NUP43: variants seen among roughly 807,000 people sequenced by gnomAD.
NUP43 encodes the protein nucleoporin 43.
A neutral mutation model predicts 47.3 loss-of-function variants in NUP43; 32 were observed. The ratio of observed to expected loss-of-function variants is 0.68; its 90% CI spans 0.51 to 0.91. NUP43 has a LOEUF of 0.91. NUP43 is among the 40% of genes least tolerant of loss of function. The probability of loss-of-function intolerance (pLI) is 0.00; values close to 1 mark genes in which losing one functional copy is unlikely to be tolerated. For synonymous variants in NUP43, 147 were observed against 158.4 expected, an observed-to-expected ratio of 0.93 and a Z score of 0.54; for missense variants, 444 against 453.9, an observed-to-expected ratio of 0.98 and a Z score of 0.20.
intron 3 of NUP43, 66 bp downstream of exon 3, chr6:149,743,572 G>T: frequency 1.0e-6 from 1 of 1,002,934 alleles, no homozygotes; most frequent in South Asian, 1.4e-5. Flanking sequence ...TCCAGTGCGC[G>T]GGCAACAAGA....
chr6:149,746,223 T>C (rs979961178), intron 1 of NUP43, 153 bp downstream of exon 1: 16 of 1,336,918 alleles, frequency 1.2e-5, no homozygotes, highest in Non-Finnish European at 1.5e-5. Context: ...TCACCGGCTC[T>C]GAGCTACGGA....
At chr6:149,738,343 A>G (rs922645354) in intron 5 of NUP43, among the ~76,000 whole-genome samples, 3 of 152,210 alleles carry the variant, frequency 2.0e-5, no homozygotes, top group South Asian at 2.1e-4. Flanking sequence ...TTTTCCCCCA[A>G]TCATTACATC....
intron 2 of NUP43, among the ~76,000 whole-genome samples, chr6:149,744,887 T>G (rs1785884565): frequency 6.7e-6 from 1 of 148,310 alleles, no homozygotes; most frequent in Non-Finnish European, 1.5e-5. Flanking sequence ...CTTTTTTATT[T>G]TATTTATTTA....
intron 4 of NUP43, among the ~76,000 whole-genome samples, chr6:149,742,115 C>T (rs1296882497): frequency 5.9e-5 from 9 of 152,076 alleles, no homozygotes; most frequent in African/African-American, 2.2e-4. Context: ...CAACCTCCGC[C>T]TCCCAGGTTC....
chr6:149,745,288 T>C (rs903067341), intron 2 of NUP43, among the ~76,000 whole-genome samples: 1 of 150,810 alleles, frequency 6.6e-6, no homozygotes, highest in Non-Finnish European at 1.5e-5. Context: ...TAGTCCCAGC[T>C]ACCCGGGAGG....
At chr6:149,731,518 G>A (rs1010090836) in intron 7 of NUP43, 95 bp downstream of exon 7, 26 of 1,121,470 alleles carry the variant, frequency 2.3e-5, no homozygotes, top group African/African-American at 8.0e-5. Context: ...AGCTGAGATC[G>A]TGCCACTGCA....
intron 6 of NUP43, among the ~76,000 whole-genome samples, chr6:149,734,777 G>A (rs1413895750): frequency 3.2e-5 from 4 of 126,942 alleles, no homozygotes; most frequent in African/African-American, 9.1e-5. Flanking sequence ...CAGCCTGGGC[G>A]ACAGAACAAG....
chr6:149,745,760 C>T (rs1785954845), intron 2 of NUP43, among the ~76,000 whole-genome samples, 180 bp downstream of exon 2: 1 of 152,212 alleles, frequency 6.6e-6, no homozygotes, highest in South Asian at 2.1e-4. Context: ...TCTACATCCC[C>T]TTTCCCAGTC....
chr6:149,743,670 C>T lies in NUP43; in HGVS notation c.289G>A (p.Val97Ile). ...TTTGGATGGTGAAGGAAAACTGTTA[C>T]ACATCCTGTTGATGAAGCAGCGACA... is the stretch of plus-strand genomic sequence containing the variant. ...RIVAASSTGC[V>I]TVFLHHPNNQ... Residue 97 changes from valine (V) to isoleucine (I), a missense_variant, in exon 3 of 8, where the codon GTA becomes ATA. Coordinates refer to ENST00000340413, the MANE Select transcript of NUP43 (RefSeq NM_198887.3). 6.2e-7 allele frequency: 1 copy of T among 1,609,896 alleles called. No individual in the cohort carries two copies. Among genetic ancestry groups the T allele is most frequent in the Non-Finnish European group, 8.5e-7 (1 of 1,177,296 alleles).
At chr6:149,740,864 T>C (rs1785616663) in intron 4 of NUP43, among the ~76,000 whole-genome samples, 1 of 152,206 alleles carries the variant, frequency 6.6e-6, no homozygotes, top group South Asian at 2.1e-4. Flanking sequence ...TCTTGCTTCA[T>C]CTTTCATCTC....
Position 149,742,502 on chromosome 6 carries a change from G to C in NUP43, c.390C>G (p.Ser130Arg), listed in dbSNP as rs376780829. Residue 130 changes from serine to arginine, a missense_variant, in exon 4 of 8, where the codon AGC becomes AGG. Ser to Arg is a moderately radical substitution (Grantham distance 110, BLOSUM62 -1). Coordinates refer to ENST00000340413, the MANE Select transcript of NUP43 (RefSeq NM_198887.3). ...YHTGPGSPSYSSAPCTGVVCN... is the reference protein window; with the variant it reads ...YHTGPGSPSYRSAPCTGVVCN... ...ACACAACACCTGTACATGGTGCACT[G>C]CTATAGGAAGGACTGCCAGGGCCTG... 5.0e-6 allele frequency: 8 copies of C among 1,613,818 alleles called. No individual in the cohort carries two copies. The African/African-American group carries it at 1.1e-4, about 22-fold the overall frequency.
At position 149,746,502 on chromosome 6, in the gene NUP43, A is replaced by G. The variant is rs962582974; in HGVS notation, c.-7T>C. On this transcript the variant is annotated 5_prime_UTR_variant, in exon 1 of 8. Transcript: ENST00000340413. ...TCGCATAAATTTCCTCCATGCCGAAAGCGGCCGCAGCAGGTACTGCAAAAA... is the reference window on the plus strand; with the variant it reads ...TCGCATAAATTTCCTCCATGCCGAAGGCGGCCGCAGCAGGTACTGCAAAAA... 12 of 1,614,058 alleles carry G rather than the reference A, an allele frequency of 7.4e-6. No homozygotes were observed. The highest frequency in any genetic ancestry group is 8.5e-6 in the Non-Finnish European group (10 of 1,180,022).
chr6:149,735,204 C>A (rs1217085515), intron 6 of NUP43, among the ~76,000 whole-genome samples: 2 of 151,922 alleles, frequency 1.3e-5, no homozygotes, highest in Non-Finnish European at 2.9e-5. Context: ...CTGGTGCATG[C>A]CACTCACCTG....
intron 7 of NUP43, chr6:149,727,408 G>A (rs1784839702): frequency 1.0e-6 from 1 of 984,016 alleles, no homozygotes; most frequent in Non-Finnish European, 1.2e-6. Flanking sequence ...GGGATAATAT[G>A]GATACCAAAC....
At chr6:149,735,232 T>C (rs1467052964) in intron 6 of NUP43, among the ~76,000 whole-genome samples, 1 of 152,050 alleles carries the variant, frequency 6.6e-6, no homozygotes, top group African/African-American at 2.4e-5. Flanking sequence ...CTAGTATTAT[T>C]AACTTTTTAA....
chr6:149,747,693 A>G (rs770738752), upstream of NUP43, among the ~76,000 whole-genome samples: 4 of 152,206 alleles, frequency 2.6e-5, no homozygotes, highest in Non-Finnish European at 5.9e-5. Context: ...AAGAGATATG[A>G]CTTATTCAAC....
chr6:149,738,324 G>A (rs997518634), intron 5 of NUP43, among the ~76,000 whole-genome samples: 3 of 152,046 alleles, frequency 2.0e-5, no homozygotes, highest in African/African-American at 4.8e-5. Context: ...AAAATATTTG[G>A]AATTATATTT....
chr6:149,746,540 C>T (rs376341118), upstream of NUP43: 4 of 1,613,816 alleles, frequency 2.5e-6, no homozygotes, highest in Middle Eastern at 1.6e-4. Context: ...AAGCACAGTA[C>T]GCGCCTCTCA....
chr6:149,729,061 G>T (rs1469129424), intron 7 of NUP43, among the ~76,000 whole-genome samples: 1 of 151,974 alleles, frequency 6.6e-6, no homozygotes, highest in African/African-American at 2.4e-5. Flanking sequence ...CGTGACCTTG[G>T]CTCACTGCAA....
Sources: gnomAD v4.1 joint callset for allele counts (sites outside exome capture counted in the v4.1 genomes callset) on GRCh38, gnomAD v4.1.1 for gene constraint, MANE v1.5 for transcripts, NCBI Gene and HGNC (gene_info 2026-07-23, HGNC 2026-07-21) for gene names.